INVS: variants seen among roughly 807,000 people sequenced by gnomAD.
INVS encodes the protein inversin, also known as inversion of embryo turning homolog.
A neutral mutation model predicts 108.8 loss-of-function variants in INVS; 86 were observed. The observed-to-expected ratio is 0.79, with a 90% confidence interval of 0.66 to 0.95. INVS has a LOEUF of 0.95. Ranked by LOEUF, INVS falls within the 40% of genes least tolerant of loss-of-function variation. The pLI, the probability that INVS is intolerant of heterozygous loss-of-function variation, is 0.00. For missense variants in INVS, 1,169 were observed against 1,297.4 expected, an observed-to-expected ratio of 0.90 and a Z score of 1.52; for synonymous variants, 455 against 473.5, an observed-to-expected ratio of 0.96 and a Z score of 0.51.
At chr9:100,166,135 A>C (rs1179153094) in intron 3 of INVS, among the ~76,000 whole-genome samples, 1 of 152,206 alleles carries the variant, frequency 6.6e-6, no homozygotes, top group African/African-American at 2.4e-5. Flanking sequence ...CTAGATGAAA[A>C]ACCTGAGATG....
chr9:100,127,178 A>G (rs2118897907), intron 3 of INVS, among the ~76,000 whole-genome samples: 1 of 152,252 alleles, frequency 6.6e-6, no homozygotes, highest in African/African-American at 2.4e-5. Context: ...CCTGAGTGAC[A>G]GGGCAAGACC....
At chr9:100,229,583 A>C in intron 4 of INVS, 77 bp from the exon 5 acceptor site, 1 of 1,303,590 alleles carries the variant, frequency 7.7e-7, no homozygotes, top group South Asian at 1.2e-5. Flanking sequence ...CTCTTATAAC[A>C]GTGCCTGTCC....
At chr9:100,166,096 C>G (rs73507835) in intron 3 of INVS, among the ~76,000 whole-genome samples, 4,757 of 152,184 alleles carry the variant, frequency 0.031, 240 homozygotes, top group African/African-American at 0.11. Context: ...TTTGCTCACC[C>G]AGTCAAGAAT....
At chr9:100,150,914 G>T (rs1220797291) in intron 3 of INVS, among the ~76,000 whole-genome samples, 2 of 152,178 alleles carry the variant, frequency 1.3e-5, no homozygotes, top group Non-Finnish European at 2.9e-5. Context: ...AAGTGAGGGG[G>T]ATTAAGAGAA....
At chr9:100,194,116 T>A (rs935390724) in intron 3 of INVS, among the ~76,000 whole-genome samples, 15 of 152,364 alleles carry the variant, frequency 9.8e-5, no homozygotes, top group African/African-American at 3.6e-4. Context: ...ATAGCAGGTG[T>A]ACGTTTAACT....
At chr9:100,146,445 G>T (rs1423785854) in intron 3 of INVS, among the ~76,000 whole-genome samples, 1 of 152,156 alleles carries the variant, frequency 6.6e-6, no homozygotes. Flanking sequence ...ATCAGTTAAG[G>T]CAGGAACCAG....
chr9:100,216,735 G>A (rs940790752), intron 3 of INVS, among the ~76,000 whole-genome samples: 17 of 152,126 alleles, frequency 1.1e-4, no homozygotes, highest in Admixed American at 9.2e-4. Context: ...CCCTGCAGCC[G>A]CAACCACATG....
intron 3 of INVS, among the ~76,000 whole-genome samples, chr9:100,154,158 A>G (rs1828893024): frequency 6.6e-6 from 1 of 151,684 alleles, no homozygotes; most frequent in Non-Finnish European, 1.5e-5. Context: ...AAGCAAATGC[A>G]CTTTTTTTGT....
In INVS at chr9:100,300,971, A is replaced by C. The variant is rs190277417; in HGVS notation, c.*297A>C. On this transcript the variant is annotated 3_prime_UTR_variant, in exon 17 of 17. Transcript: ENST00000262457. ...TCTGTACAGTTGGAAATGAGAATTC[A>C]TAATTAACAGCAAAATCTAAGGAAA... The C allele has an allele frequency of 2.6e-6, 1 of 378,164 alleles. No homozygotes were observed. The highest frequency in any genetic ancestry group is 4.8e-6 in the Non-Finnish European group (1 of 206,232). 23.4% of individuals were successfully genotyped at this position (378,164 alleles called of 1,614,324 possible).
intron 5 of INVS, among the ~76,000 whole-genome samples, chr9:100,237,602 G>T (rs771584706): frequency 2.6e-5 from 4 of 152,172 alleles, no homozygotes; most frequent in African/African-American, 9.7e-5. Flanking sequence ...CCCTTGACTA[G>T]GGGAGGGAGT....
intron 4 of INVS, among the ~76,000 whole-genome samples, chr9:100,228,756 G>T (rs946076176): frequency 2.6e-5 from 4 of 152,184 alleles, no homozygotes; most frequent in Non-Finnish European, 5.9e-5. Context: ...GGTTCCGTGT[G>T]CTGTTTCCTC....
intron 3 of INVS, among the ~76,000 whole-genome samples, chr9:100,196,188 C>T (rs961838282): frequency 6.6e-6 from 1 of 152,086 alleles, no homozygotes. Context: ...TAGATTTAGA[C>T]TTTTCAGATT....
chr9:100,128,825 C>T (rs1278654733), intron 3 of INVS, among the ~76,000 whole-genome samples: 2 of 152,140 alleles, frequency 1.3e-5, no homozygotes, highest in East Asian at 1.9e-4. Flanking sequence ...CTATGAAAAA[C>T]ATCAGGGATT....
At chr9:100,141,607 C>T (rs1191957711) in intron 3 of INVS, among the ~76,000 whole-genome samples, 1 of 152,162 alleles carries the variant, frequency 6.6e-6, no homozygotes, top group African/African-American at 2.4e-5. Context: ...AAGCGTCTAC[C>T]TAGACTAAGA....
chr9:100,172,589 A>G (rs1406482270), intron 3 of INVS, among the ~76,000 whole-genome samples: 2 of 152,220 alleles, frequency 1.3e-5, no homozygotes, highest in Admixed American at 1.3e-4. Context: ...CTACTTGGAC[A>G]AGGAAAGCTC....
intron 3 of INVS, among the ~76,000 whole-genome samples, chr9:100,176,335 G>T (rs1053354559): frequency 6.6e-6 from 1 of 152,098 alleles, no homozygotes; most frequent in African/African-American, 2.4e-5. Context: ...GCTGTCTCTG[G>T]CTATAGATAA....
chr9:100,261,509 C>G (rs771181577), intron 10 of INVS, among the ~76,000 whole-genome samples: 4 of 151,994 alleles, frequency 2.6e-5, no homozygotes, highest in Non-Finnish European at 4.4e-5. Flanking sequence ...TCTTGTGATC[C>G]GCCTGCCTTA....
intron 2 of INVS, among the ~76,000 whole-genome samples, chr9:100,112,558 A>C (rs939089687): frequency 6.6e-6 from 1 of 152,054 alleles, no homozygotes; most frequent in Non-Finnish European, 1.5e-5. Context: ...GAGGAGCCTA[A>C]TCAATTAGGA....
chr9:100,261,253 C>T (rs1420997021), intron 10 of INVS, among the ~76,000 whole-genome samples: 1 of 150,118 alleles, frequency 6.7e-6, no homozygotes, highest in Non-Finnish European at 1.5e-5. Flanking sequence ...CTTTATGATA[C>T]TAGGAATGCA....
Sources: allele counts gnomAD v4.1 joint callset (sites outside exome capture counted in the v4.1 genomes callset), GRCh38; gene constraint gnomAD v4.1.1; transcripts MANE v1.5; gene names NCBI Gene and HGNC (gene_info 2026-07-23, HGNC 2026-07-21).